Variants in TOP1MT observed in about 807,000 individuals in gnomAD.
The protein encoded by TOP1MT is DNA topoisomerase I mitochondrial, also known as DNA topoisomerase I, mitochondrial.
TOP1MT carries 80 observed loss-of-function variants against 73.9 expected under a neutral mutation model. That is an observed-to-expected ratio of 1.08 (90% CI 0.90 to 1.30). TOP1MT has a LOEUF of 1.30. Ranked by LOEUF, TOP1MT falls within the 50% of genes most tolerant of loss-of-function variation. The pLI is 0.00. For synonymous variants in TOP1MT, 338 were observed against 326.4 expected (o/e 1.04, Z -0.38); for missense variants, 815 against 808.0 (o/e 1.01, Z -0.10).
chr8:143,326,040 T>G (rs1042220682), intron 4 of TOP1MT, among the ~76,000 whole-genome samples, 182 bp downstream of exon 4: 4 of 152,184 alleles, frequency 2.6e-5, no homozygotes, highest in African/African-American at 4.8e-5. Context: ...TACTCTCAAA[T>G]GTGCTCTGGG....
chr8:143,328,826 CAG>C (rs1563764852), intron 3 of TOP1MT, among the ~76,000 whole-genome samples: 1 of 152,190 alleles, frequency 6.6e-6, no homozygotes, highest in East Asian at 1.9e-4. Context: ...GTGGGGCAGA[CAG>C]AAACCCCGGA....
chr8:143,353,139 G>T (rs564416130), intron 1 of TOP1MT, among the ~76,000 whole-genome samples: 2 of 152,290 alleles, frequency 1.3e-5, no homozygotes, highest in Non-Finnish European at 2.9e-5. Flanking sequence ...AAAGGGCCAG[G>T]CGGGGTGGCT....
At chr8:143,337,554 T>C (rs1213819325), upstream of TOP1MT, among the ~76,000 whole-genome samples, 1 of 152,136 alleles carries the variant, frequency 6.6e-6, no homozygotes, top group Non-Finnish European at 1.5e-5. Flanking sequence ...AAAACAATGT[T>C]TGAAAAAGAA....
intron 3 of TOP1MT, among the ~76,000 whole-genome samples, chr8:143,328,963 G>A (rs113967048): frequency 1.2e-3 from 190 of 152,326 alleles, no homozygotes; most frequent in African/African-American, 4.4e-3. Context: ...TTCTCGCCAA[G>A]CATGTCTTCC....
In TOP1MT at chr8:143,321,363, C is replaced by T. The variant is rs774937211; in HGVS notation, c.984G>A (p.Glu328=). 3.1e-6 allele frequency: 5 copies of T among 1,592,804 alleles called. No homozygotes were observed. The East Asian group carries it at 6.8e-5, about 22-fold the overall frequency. ...TGTCGGCCGCCTCACCGTCCTCCTTCTCATTTCCTGCTCTCAGTGCCAGCT... is the reference window on the plus strand; with the variant it reads ...TGTCGGCCGCCTCACCGTCCTCCTTTTCATTTCCTGCTCTCAGTGCCAGCT... ...IDKLALRAGN[E]KEDGEAADTV... The change falls in exon 8 of 14, where the codon GAG becomes GAA. Residue 328 remains glutamate, a synonymous_variant. Coordinates refer to ENST00000329245, the MANE Select transcript of TOP1MT (RefSeq NM_052963.3).
chr8:143,340,064 G>C (rs71513691), intron 2 of TOP1MT, among the ~76,000 whole-genome samples: 1 of 20,982 alleles, frequency 4.8e-5, no homozygotes, highest in Non-Finnish European at 7.8e-5. Flanking sequence ...GCATTCCCCC[G>C]TCCCAGCACT....
rs768174377 is a variant in TOP1MT, at chr8:143,325,403, T to G, written c.614A>C (p.Lys205Thr). 1 of 1,612,412 alleles carries G rather than the reference T, an allele frequency of 6.2e-7. No individual in the cohort carries two copies. The highest frequency in any genetic ancestry group is 8.5e-7 in the Non-Finnish European group (1 of 1,178,688). The change falls in exon 5 of 14, where the codon AAG becomes ACG. Residue 205 changes from lysine (K) to threonine (T), a missense_variant. Transcript: ENST00000329245. ...GLFRGRGDHP[K>T]MGMLKRRITP... Reference sequence around the variant, plus strand: ...GATCCTTCTCTTCAGCATCCCCATCTTGGGATGGTCGCCACGGCCACGGAA... The same window carrying G: ...GATCCTTCTCTTCAGCATCCCCATCGTGGGATGGTCGCCACGGCCACGGAA...
Position 143,321,868 on chromosome 8 carries a change from C to T in TOP1MT, c.961-482G>A, listed in dbSNP as rs374593724. Among the ~76,000 whole-genome samples the T allele has an allele frequency of 8.6e-4, 58 of 67,562 alleles. 1 individual carries two copies. Among genetic ancestry groups the T allele is most frequent in the Admixed American group, 1.7e-3 (9 of 5,390 alleles). 44.3% of individuals were successfully genotyped at this position (67,562 alleles called of 152,430 possible). A position where few individuals can be genotyped will look rare whatever the true frequency, so the allele number is the denominator to read the frequency against. On this transcript the variant is annotated intron_variant, in intron 7 of 13. Transcript: ENST00000329245. ...ACGCACGCCACACACGCATGCCACA[C>T]GCACACCACACGCACGCCACACACA...
chr8:143,319,413 C>G (rs1353718559), intron 8 of TOP1MT, among the ~76,000 whole-genome samples: 1 of 152,126 alleles, frequency 6.6e-6, no homozygotes, highest in Admixed American at 6.5e-5. Context: ...TCCCACCTAG[C>G]CCTCCCAAGG....
At chr8:143,321,656 CCACACA>C (rs1407445079) in intron 7 of TOP1MT, among the ~76,000 whole-genome samples, 6 of 80,432 alleles carry the variant, frequency 7.5e-5, no homozygotes, top group Non-Finnish European at 5.0e-5. Flanking sequence ...CACAGGCACG[CCACACA>C]CACGCACGCC....
rs960677849 is a variant in TOP1MT, at chr8:143,317,737, C to T, written c.1316G>A (p.Arg439Gln). Reference sequence around the variant, plus strand: ...GGCAGGCTCACCGCGCGTCAGGGCCCGCAGCTGCTCCTGCAGAGTGATGGA... The same window carrying T: ...GGCAGGCTCACCGCGCGTCAGGGCCTGCAGCTGCTCCTGCAGAGTGATGGA... ...NASITLQEQL[R>Q]ALTRAEDSIA... is the part of the protein sequence containing the mutation. Residue 439 changes from arginine (R) to glutamine (Q), a missense_variant, in exon 10 of 14, where the codon CGG (arginine) becomes CAG (glutamine). Transcript: ENST00000329245. The T allele has an allele frequency of 1.4e-5, 22 of 1,613,670 alleles. No individual in the cohort carries two copies. Among genetic ancestry groups the T allele is most frequent in the East Asian group, 4.5e-5 (2 of 44,888 alleles).
intron 7 of TOP1MT, among the ~76,000 whole-genome samples, chr8:143,321,915 C>T (rs200091482): frequency 3.1e-5 from 3 of 96,180 alleles, no homozygotes; most frequent in Non-Finnish European, 6.5e-5. Flanking sequence ...CACACAGGCA[C>T]GCCACACACA....
At position 143,341,839 on chromosome 8, in the gene TOP1MT, C is replaced by T. The variant is rs1378000499; in HGVS notation, c.29+1381G>A. 1.4e-5 allele frequency among the ~76,000 whole-genome samples: 2 copies of T among 146,806 alleles called. No homozygotes were observed. The highest frequency in any genetic ancestry group is 2.9e-5 in the Non-Finnish European group (2 of 67,912). On this transcript the variant is annotated intron_variant, in intron 2 of 5. Transcript: ENST00000518007. The surrounding 1 kb of genome is among the most constrained non-coding windows in gnomAD (Gnocchi z 4.1). ...TTCCTTCTTCCTTCTTCTTCCTCTT[C>T]TTCCTCCTCCTCCTCCTTCCTCTTT...
At chr8:143,329,965 G>A (rs922424465) in intron 2 of TOP1MT, among the ~76,000 whole-genome samples, 14 of 152,146 alleles carry the variant, frequency 9.2e-5, no homozygotes, top group Admixed American at 2.6e-4. Context: ...GGGAGCAGGC[G>A]AGCAGAGTGA....
chr8:143,330,760 C>T lies in TOP1MT; in HGVS notation c.238+464G>A, dbSNP rs137964773. On this transcript the variant is annotated intron_variant, in intron 2 of 13. Coordinates refer to ENST00000329245, the MANE Select transcript of TOP1MT (RefSeq NM_052963.3). ...GGGCAGGAGGGGTGTGTGGGCCCTG[C>T]TGCCCCAGAGCCCCCGGGTCCTGCC... Among the ~76,000 whole-genome samples, 44 of 152,296 alleles carry T rather than the reference C, an allele frequency of 2.9e-4. 2 individuals are homozygous for T. The East Asian group carries it at 8.5e-3, about 29-fold the overall frequency.
intron 1 of TOP1MT, 149 bp downstream of exon 1, chr8:143,334,589 TCA>T: frequency 8.8e-7 from 1 of 1,138,334 alleles, no homozygotes; most frequent in Non-Finnish European, 1.2e-6. Context: ...GGCGGGCCGG[TCA>T]CACCGCGGCA....
chr8:143,312,561 T>G (rs1816041139), intron 12 of TOP1MT, among the ~76,000 whole-genome samples: 1 of 152,150 alleles, frequency 6.6e-6, no homozygotes, highest in South Asian at 2.1e-4. Context: ...AGAAGTAAAT[T>G]TTGTTAACTT....
At chr8:143,321,984 C>G (rs1816426552) in intron 7 of TOP1MT, among the ~76,000 whole-genome samples, 1 of 62,592 alleles carries the variant, frequency 1.6e-5, no homozygotes, top group African/African-American at 4.5e-5. Context: ...CACACGCACG[C>G]CACACACATG....
At chr8:143,314,432 CTAAA>C (rs979256669) in intron 12 of TOP1MT, among the ~76,000 whole-genome samples, 1 of 151,852 alleles carries the variant, frequency 6.6e-6, no homozygotes. Context: ...CCCGTTTCTA[CTAAA>C]TAAATAAATG....
Sources: gnomAD v4.1 joint callset for allele counts (sites outside exome capture counted in the v4.1 genomes callset) on GRCh38, gnomAD v4.1.1 for gene constraint, Gnocchi (gnomAD v3.1) non-coding constraint, MANE v1.5 for transcripts, NCBI Gene and HGNC (gene_info 2026-07-23, HGNC 2026-07-21) for gene names.